The following ZMAT1 variants were observed in gnomAD, a reference collection of about 807,000 sequenced individuals.
ZMAT1 encodes zinc finger matrin-type 1, also known as zinc finger matrin-type protein 1.
Under a neutral mutation model 18.5 loss-of-function variants are expected in ZMAT1, and 11 were observed. That is an observed-to-expected ratio of 0.59 (90% confidence interval 0.37 to 0.98). The LOEUF is 0.98. Among genes scored for constraint, ZMAT1 ranks in the 50% least tolerant of loss-of-function variants. The pLI is 0.01. For synonymous variants in ZMAT1, 211 were observed against 176.4 expected (o/e 1.20, Z -1.55); for missense variants, 525 against 496.2 (o/e 1.06, Z -0.55).
At chrX:101,930,128 A>G (rs890568125) in intron 1 of ZMAT1, among the ~76,000 whole-genome samples, 7 of 112,099 alleles carry the variant, frequency 6.2e-5, no homozygotes, top group African/African-American at 2.3e-4. Context: ...TACTGCAAAC[A>G]AACCAGTTGC....
intron 1 of ZMAT1, chrX:101,911,563 G>A (rs1430269061): frequency 5.1e-5 from 58 of 1,141,177 alleles, no homozygotes; most frequent in Non-Finnish European, 5.0e-5. Flanking sequence ...CCACACAGGG[G>A]AGAAGCCCTA....
chrX:101,923,287 A>G (rs1929846073), intron 1 of ZMAT1, among the ~76,000 whole-genome samples: 1 of 112,235 alleles, frequency 8.9e-6, no homozygotes, highest in Admixed American at 9.5e-5. Context: ...GAGAGACTGC[A>G]TTAGTTTTCA....
chrX:101,926,506 T>A (rs1376197334), intron 1 of ZMAT1, among the ~76,000 whole-genome samples: 1 of 112,423 alleles, frequency 8.9e-6, no homozygotes, highest in African/African-American at 3.2e-5. Flanking sequence ...TGCATTTTTA[T>A]GACAAAAATA....
At chrX:101,900,788 C>CT (rs747646257) in intron 2 of ZMAT1, among the ~76,000 whole-genome samples, 34 of 111,476 alleles carry the variant, frequency 3.0e-4, no homozygotes, top group African/African-American at 1.1e-3. Context: ...TATGTGGGCT[C>CT]TTTTTTGGTT....
chrX:101,910,460 G>T (rs1029219376), intron 1 of ZMAT1, among the ~76,000 whole-genome samples: 2 of 112,762 alleles, frequency 1.8e-5, no homozygotes, highest in African/African-American at 6.4e-5. Context: ...TGGAGAAACA[G>T]AAACATGTGG....
In ZMAT1 at chrX:101,886,745, G is replaced by GA. The variant is rs1294148370; in HGVS notation, c.677-15dup. The GA allele has an allele frequency of 1.6e-5, 18 of 1,122,111 alleles. No individual in the cohort carries two copies. In the Admixed American group the frequency reaches 4.2e-4, roughly 26 times the overall value. The allele number at this position is 1,122,111 out of a possible 1,213,427, so 92.5% of individuals were successfully genotyped here. ...TCATACTAAATGCTGAAAAAACAAAGAGTTCAAGTTAAGAAGGTCAGTATA... is the reference window on the plus strand; with the variant it reads ...TCATACTAAATGCTGAAAAAACAAAGAAGTTCAAGTTAAGAAGGTCAGTATA... On this transcript the variant is annotated splice_polypyrimidine_tract_variant and intron_variant, in intron 4 of 5. Coordinates refer to ENST00000651725, the MANE Select transcript of ZMAT1 (RefSeq NM_001394560.1).
In ZMAT1 at chrX:101,931,778, CATAGTGGAGCCGCCAAA is replaced by C; in HGVS notation, c.214_230del (p.Phe72GlyfsTer9). 1 of 780,578 alleles carries C rather than the reference CATAGTGGAGCCGCCAAA, an allele frequency of 1.3e-6. No homozygotes were observed. Among genetic ancestry groups the C allele is most frequent in the Non-Finnish European group, 1.5e-6 (1 of 658,048 alleles). 64.3% of individuals were successfully genotyped at this position (780,578 alleles called of 1,213,427 possible). On this transcript the variant is annotated frameshift_variant, in exon 1 of 6. Transcript: ENST00000651725. LOFTEE classifies it high-confidence loss of function. ...TACTGCCCCCCCTCCCCGCCGCCGC[CATAGTGGAGCCGCCAAA>C]GCCGCCGCCGCCGCCGTCGCCACAG...
intron 1 of ZMAT1, among the ~76,000 whole-genome samples, chrX:101,927,008 TA>T (rs1216171148): frequency 1.8e-5 from 2 of 112,448 alleles, no homozygotes; most frequent in Non-Finnish European, 3.8e-5. Context: ...ATCATAAACA[TA>T]AATCTCATTC....
At chrX:101,884,848 T>A (rs749998930) in intron 5 of ZMAT1, 27 bp from the exon 6 acceptor site, 1 of 850,396 alleles carries the variant, frequency 1.2e-6, no homozygotes, top group South Asian at 3.0e-5. Context: ...AGAAAATTGT[T>A]ATTAGATTAT....
chrX:101,925,859 T>C (rs1254866161), intron 1 of ZMAT1, among the ~76,000 whole-genome samples: 2 of 112,514 alleles, frequency 1.8e-5, no homozygotes, highest in Admixed American at 1.9e-4. Flanking sequence ...CTACGCATTA[T>C]AGGATATTTG....
chrX:101,911,558 C>A lies in ZMAT1; in HGVS notation c.293-7228G>T, dbSNP rs190547760. On this transcript the variant is annotated intron_variant, in intron 1 of 5. Coordinates refer to ENST00000651725, the MANE Select transcript of ZMAT1 (RefSeq NM_001394560.1). ...CTCACCCAACAACAGCGAATCCACA[C>A]AGGGGAGAAGCCCTATGAATGCAAT... The A allele has an allele frequency of 2.2e-5, 25 of 1,132,756 alleles. 1 individual carries two copies. The East Asian group carries it at 7.2e-4, about 33-fold the overall frequency. The allele number at this position is 1,132,756 out of a possible 1,213,427, so 93.4% of individuals were successfully genotyped here. A position where few individuals can be genotyped will look rare whatever the true frequency, so the allele number is the denominator to read the frequency against.
At chrX:101,914,483 C>T (rs1255708935) in intron 1 of ZMAT1, among the ~76,000 whole-genome samples, 1 of 110,644 alleles carries the variant, frequency 9.0e-6, no homozygotes, top group Non-Finnish European at 1.9e-5. Context: ...CAAGAAGATC[C>T]AAATATATCA....
chrX:101,926,863 A>C (rs1396890283), intron 1 of ZMAT1, among the ~76,000 whole-genome samples: 2 of 112,402 alleles, frequency 1.8e-5, no homozygotes, highest in Non-Finnish European at 3.8e-5. Flanking sequence ...TAGATGTTTT[A>C]ATGCTTTGCT....
intron 1 of ZMAT1, among the ~76,000 whole-genome samples, chrX:101,928,689 A>G (rs1217004443): frequency 8.9e-6 from 1 of 112,795 alleles, no homozygotes; most frequent in Non-Finnish European, 1.9e-5. Flanking sequence ...TGGTCTTACT[A>G]TCATTTGACT....
In ZMAT1 at chrX:101,931,894, C is replaced by T. The variant is rs1170654296; in HGVS notation, c.115G>A (p.Ala39Thr). The T allele has an allele frequency of 1.3e-6, 1 of 799,368 alleles. No individual in the cohort carries two copies. The allele number at this position is 799,368 out of a possible 1,213,427, so 65.9% of individuals were successfully genotyped here. The change falls in exon 1 of 6, where the codon GCG becomes ACG. Residue 39 changes from alanine to threonine, a missense_variant. Transcript: ENST00000651725. ...ACAATTACTGCCGCCGCCGCCGCCG[C>T]CGCCGCCGCTGCCGCGCAGGCGGTG... ...SYTACAAAAA[A>T]AAAAAVIVPA...
intron 1 of ZMAT1, among the ~76,000 whole-genome samples, chrX:101,907,454 A>G (rs1436556638): frequency 8.9e-6 from 1 of 112,279 alleles, no homozygotes; most frequent in East Asian, 2.8e-4. Context: ...TTCCCAGAAA[A>G]ATTAAGTCTG....
At chrX:101,910,649 CAG>C (rs771586397) in intron 1 of ZMAT1, among the ~76,000 whole-genome samples, 19 of 112,087 alleles carry the variant, frequency 1.7e-4, no homozygotes, top group Admixed American at 2.8e-4. Context: ...AAGAATGAAT[CAG>C]AGTCCTTTAA....
chrX:101,925,862 G>A (rs1183597830), intron 1 of ZMAT1, among the ~76,000 whole-genome samples: 2 of 112,334 alleles, frequency 1.8e-5, no homozygotes, highest in Non-Finnish European at 3.7e-5. Context: ...CGCATTATAG[G>A]ATATTTGGCA....
chrX:101,929,421 GATTATATATAT>G (rs1378585360), intron 1 of ZMAT1, among the ~76,000 whole-genome samples: 1 of 30,880 alleles, frequency 3.2e-5, no homozygotes, highest in African/African-American at 1.9e-4. Context: ...TATAGAGAGA[GATTATATATAT>G]ATATATATAT....
Sources: allele counts gnomAD v4.1 joint callset (sites outside exome capture counted in the v4.1 genomes callset), GRCh38; gene constraint gnomAD v4.1.1; transcripts MANE v1.5; gene names NCBI Gene and HGNC (gene_info 2026-07-23, HGNC 2026-07-21).